ASIC2: variants seen among roughly 807,000 people sequenced by gnomAD.
ASIC2 encodes acid-sensing ion channel 2.
A neutral mutation model predicts 57.3 loss-of-function variants in ASIC2; 25 were observed. The observed-to-expected ratio is 0.44, with a 90% CI of 0.32 to 0.61. ASIC2 has a LOEUF of 0.61. Among genes scored for constraint, ASIC2 ranks in the 20% least tolerant of loss-of-function variants. ASIC2 has a pLI of 0.06. For missense variants in ASIC2, 641 were observed against 738.1 expected (o/e 0.87, Z 1.52); for synonymous variants, 319 against 307.5 (o/e 1.04, Z -0.39).
chr17:33,597,785 T>A (rs1046583606), intron 1 of ASIC2, among the ~76,000 whole-genome samples: 6 of 152,158 alleles, frequency 3.9e-5, no homozygotes, highest in Non-Finnish European at 7.3e-5. Context: ...ACACAGCAGG[T>A]GTCAGGAGGG....
intron 1 of ASIC2, among the ~76,000 whole-genome samples, chr17:33,989,690 C>A (rs183638852): frequency 6.6e-6 from 1 of 152,190 alleles, no homozygotes; most frequent in Non-Finnish European, 1.5e-5. Context: ...TTACCAGAGA[C>A]TCAAATGACA....
intron 1 of ASIC2, among the ~76,000 whole-genome samples, chr17:34,089,641 C>T (rs934326729): frequency 6.6e-6 from 1 of 152,226 alleles, no homozygotes; most frequent in Non-Finnish European, 1.5e-5. Context: ...CACCTCTCTG[C>T]TTGGCCCCAG....
chr17:33,418,808 C>T (rs966739121), intron 1 of ASIC2, among the ~76,000 whole-genome samples: 31 of 152,172 alleles, frequency 2.0e-4, no homozygotes, highest in African/African-American at 6.3e-4. Flanking sequence ...TGCAGGGACC[C>T]GGATGAAGCT....
Position 33,775,186 on chromosome 17 carries a change from T to C in ASIC2, c.555+380792A>G, listed in dbSNP as rs1321389609. Among the ~76,000 whole-genome samples, 7 of 152,224 alleles carry C rather than the reference T, an allele frequency of 4.6e-5. No individual in the cohort carries two copies. The South Asian group carries it at 6.2e-4, about 14-fold the overall frequency. On this transcript the variant is annotated intron_variant, in intron 1 of 9. Transcript: ENST00000359872. The stretch of plus-strand genomic sequence containing the variant: ...TTGTTTGCCAAGTGAGACTCCATGA[T>C]GGTCAGAGCTGGCTGGGAGGCTACT...
intron 1 of ASIC2, among the ~76,000 whole-genome samples, chr17:33,603,153 G>T (rs1905148864): frequency 6.6e-6 from 1 of 152,224 alleles, no homozygotes; most frequent in African/African-American, 2.4e-5. Flanking sequence ...TATTCACTGT[G>T]ACTGGTTGTC....
At chr17:33,997,343 A>G (rs1363784665) in intron 1 of ASIC2, among the ~76,000 whole-genome samples, 1 of 106,920 alleles carries the variant, frequency 9.4e-6, no homozygotes, top group Non-Finnish European at 1.8e-5. Flanking sequence ...TTGTAAAGAC[A>G]AGGTTTCGCC....
chr17:33,264,571 T>C (rs545774539), intron 1 of ASIC2, among the ~76,000 whole-genome samples: 2 of 152,312 alleles, frequency 1.3e-5, no homozygotes, highest in South Asian at 4.1e-4. Context: ...TCTCTCACAA[T>C]GTAAAGTAAG....
intron 1 of ASIC2, among the ~76,000 whole-genome samples, chr17:33,187,904 T>TG (rs1329294622): frequency 2.4e-5 from 2 of 82,978 alleles, no homozygotes; most frequent in African/African-American, 1.2e-4. Context: ...TGGTCAGGGA[T>TG]GAAAAAAAAA....
At chr17:33,591,787 T>C (rs1316545106) in intron 1 of ASIC2, among the ~76,000 whole-genome samples, 1 of 152,226 alleles carries the variant, frequency 6.6e-6, no homozygotes, top group Non-Finnish European at 1.5e-5. Flanking sequence ...AAGCTGAGAA[T>C]GACTGTAGCT....
At chr17:33,464,530 T>C (rs8065334) in intron 1 of ASIC2, among the ~76,000 whole-genome samples, 4 of 43,954 alleles carry the variant, frequency 9.1e-5, no homozygotes, top group Non-Finnish European at 2.0e-4. Context: ...CTTTCTTTCT[T>C]TCTTTCTTTC....
At chr17:33,989,468 A>T (rs1023546259) in intron 1 of ASIC2, among the ~76,000 whole-genome samples, 1 of 151,898 alleles carries the variant, frequency 6.6e-6, no homozygotes, top group African/African-American at 2.4e-5. Flanking sequence ...TCGGGGCCAG[A>T]CTGCCAAGGG....
rs549968388 is a variant in ASIC2 at position 33,774,305 on chromosome 17, C to T, written c.555+381673G>A. Among the ~76,000 whole-genome samples the T allele has an allele frequency of 2.6e-5, 4 of 152,280 alleles. No individual in the cohort carries two copies. In the South Asian group the frequency reaches 8.3e-4, roughly 32 times the overall value. ...ATGGCTAATGGATTTCACCCAAAGG[C>T]CAACTTTGATCAATTGGTAGCAGCT... On this transcript the variant is annotated intron_variant, in intron 1 of 9. Transcript: ENST00000359872.
chr17:33,238,483 T>C (rs2142116535), intron 1 of ASIC2, among the ~76,000 whole-genome samples: 1 of 152,324 alleles, frequency 6.6e-6, no homozygotes, highest in East Asian at 1.9e-4. Context: ...GCTCAAAACT[T>C]GCCAGATGTC....
intron 1 of ASIC2, among the ~76,000 whole-genome samples, chr17:33,690,751 T>G (rs1216555531): frequency 2.2e-5 from 3 of 139,346 alleles, no homozygotes; most frequent in East Asian, 2.0e-4. Flanking sequence ...TTGTTTTTTT[T>G]TTTTTTTTTT....
intron 1 of ASIC2, among the ~76,000 whole-genome samples, chr17:33,324,308 A>G (rs967813754): frequency 6.6e-6 from 1 of 151,866 alleles, no homozygotes; most frequent in Admixed American, 6.6e-5. Context: ...TTTTTTTCAC[A>G]TGGCTAAGTG....
intron 3 of ASIC2, among the ~76,000 whole-genome samples, chr17:33,070,138 A>G (rs1567733805): frequency 6.6e-6 from 1 of 152,174 alleles, no homozygotes; most frequent in Non-Finnish European, 1.5e-5. Flanking sequence ...AGAATTTTCC[A>G]ATGGTATTCT....
At chr17:33,849,659 G>T (rs1913710982) in intron 1 of ASIC2, among the ~76,000 whole-genome samples, 1 of 152,190 alleles carries the variant, frequency 6.6e-6, no homozygotes, top group Non-Finnish European at 1.5e-5. Context: ...AGTTAACCAA[G>T]TGAAGAAAGG....
At chr17:34,000,790 C>T (rs1268552348) in intron 1 of ASIC2, 1 of 152,050 alleles carries the variant, frequency 6.6e-6, no homozygotes, top group African/African-American at 2.4e-5. Context: ...TCTTTTTATT[C>T]CTTTGAATAA....
chr17:33,036,903 G>C (rs951619855), intron 3 of ASIC2, among the ~76,000 whole-genome samples: 1 of 152,110 alleles, frequency 6.6e-6, no homozygotes, highest in African/African-American at 2.4e-5. Context: ...TTGGGGGCTA[G>C]ACACCACCAA....
Sources: gnomAD v4.1 joint callset for allele counts (sites outside exome capture counted in the v4.1 genomes callset) on GRCh38, gnomAD v4.1.1 for gene constraint, MANE v1.5 for transcripts, NCBI Gene and HGNC (gene_info 2026-07-23, HGNC 2026-07-21) for gene names.